The following TMEM132B variants were observed in gnomAD, a reference collection of about 807,000 sequenced individuals.
TMEM132B encodes the protein transmembrane protein 132B.
A neutral mutation model predicts 90.8 loss-of-function variants in TMEM132B; 18 were observed. The ratio of observed to expected loss-of-function variants is 0.20; its 90% CI spans 0.14 to 0.29. The LOEUF is 0.29. TMEM132B is among the 10% of genes least tolerant of loss of function. The probability of loss-of-function intolerance (pLI) is 1.00; values close to 1 mark genes in which losing one functional copy is unlikely to be tolerated. For synonymous variants in TMEM132B, 504 were observed against 523.3 expected, an observed-to-expected ratio of 0.96 and a Z score of 0.50; for missense variants, 1,096 against 1,326.8, an observed-to-expected ratio of 0.83 and a Z score of 2.70.
At chr12:125,636,720 C>T (rs759063439) in intron 5 of TMEM132B, among the ~76,000 whole-genome samples, 2 of 152,136 alleles carry the variant, frequency 1.3e-5, no homozygotes, top group Non-Finnish European at 2.9e-5. Flanking sequence ...ACTTTTGTCC[C>T]ATACGGGAAA....
intron 1 of TMEM132B, among the ~76,000 whole-genome samples, chr12:125,189,372 A>T (rs1957782023): frequency 6.6e-6 from 1 of 152,180 alleles, no homozygotes. Context: ...TCTAGGGTCT[A>T]TGAAATCAGG....
At position 125,277,711 on chromosome 12, in the gene TMEM132B, C is replaced by A. The variant is rs1343489706; in HGVS notation, c.68-71741C>A. 6.6e-6 allele frequency among the ~76,000 whole-genome samples: 1 copy of A among 152,048 alleles called. No individual in the cohort carries two copies. The highest frequency in any genetic ancestry group is 1.5e-5 in the Non-Finnish European group (1 of 68,012). ...CACCTTGGTCTTGGACCTCTGGCCC[C>A]CAGGACTATGAGAGAATAAATTTCT... On this transcript the variant is annotated intron_variant, in intron 1 of 8. Transcript: ENST00000682704. This position sits in a 1 kb window ranked among gnomAD's most constrained non-coding sequence, Gnocchi z 4.3.
intron 1 of TMEM132B, among the ~76,000 whole-genome samples, chr12:125,198,623 C>T (rs1022625265): frequency 6.6e-6 from 1 of 152,158 alleles, no homozygotes. Context: ...TACTTAAGTC[C>T]GAAGCTCATT....
chr12:125,619,963 C>T (rs1886081348), intron 5 of TMEM132B, among the ~76,000 whole-genome samples: 1 of 152,178 alleles, frequency 6.6e-6, no homozygotes, highest in South Asian at 2.1e-4. Context: ...TCAGACTCTT[C>T]AACTGAGTTA....
chr12:125,240,670 A>G (rs913032286), intron 1 of TMEM132B, among the ~76,000 whole-genome samples: 2 of 152,172 alleles, frequency 1.3e-5, no homozygotes, highest in Non-Finnish European at 2.9e-5. Flanking sequence ...AATGCAGAGC[A>G]TGTCAGCTCC....
intron 1 of TMEM132B, among the ~76,000 whole-genome samples, chr12:125,218,769 G>GTTTTTTTT (rs34905706): frequency 2.1e-4 from 23 of 108,844 alleles, no homozygotes; most frequent in African/African-American, 3.1e-4. Flanking sequence ...TGTTGAAGCT[G>GTTTTTTTT]TTTTTTTTTT....
chr12:125,240,202 A>G (rs867742339), intron 1 of TMEM132B, among the ~76,000 whole-genome samples: 2 of 152,160 alleles, frequency 1.3e-5, no homozygotes, highest in Non-Finnish European at 2.9e-5. Context: ...GTTCTCTGCA[A>G]CAAAACCCTG....
At chr12:125,468,116 A>C (rs994049546) in intron 3 of TMEM132B, among the ~76,000 whole-genome samples, 4 of 152,082 alleles carry the variant, frequency 2.6e-5, no homozygotes, top group African/African-American at 9.7e-5. Context: ...GTTCTCTTGC[A>C]TATGTATCTA....
intron 3 of TMEM132B, among the ~76,000 whole-genome samples, chr12:125,467,773 T>C (rs1881607985): frequency 6.6e-6 from 1 of 152,186 alleles, no homozygotes; most frequent in Non-Finnish European, 1.5e-5. Flanking sequence ...TTCTCCTTTC[T>C]CATATTCTCA....
At chr12:125,259,789 G>T (rs1208038881) in intron 1 of TMEM132B, among the ~76,000 whole-genome samples, 1 of 152,290 alleles carries the variant, frequency 6.6e-6, no homozygotes, top group South Asian at 2.1e-4. Flanking sequence ...TTAAGGTTTT[G>T]TTGGATTTAT....
intron 3 of TMEM132B, among the ~76,000 whole-genome samples, chr12:125,425,800 G>A: frequency 6.6e-6 from 1 of 152,162 alleles, no homozygotes; most frequent in East Asian, 1.9e-4. Flanking sequence ...GTCTATCACT[G>A]AATGACATTC....
At chr12:125,552,450 G>A (rs1241075880) in intron 4 of TMEM132B, among the ~76,000 whole-genome samples, 8 of 152,188 alleles carry the variant, frequency 5.3e-5, no homozygotes, top group Admixed American at 1.3e-4. Flanking sequence ...TTGTCTAACC[G>A]TGTAATGGGG....
In TMEM132B at chr12:125,445,950, G is replaced by A. The variant is rs1431929869; in HGVS notation, c.1106+30273G>A. On this transcript the variant is annotated intron_variant, in intron 3 of 8. Coordinates refer to ENST00000682704, the MANE Select transcript of TMEM132B (RefSeq NM_001366854.1). This position sits in a 1 kb window ranked among gnomAD's most constrained non-coding sequence, Gnocchi z 4.3. The stretch of plus-strand genomic sequence containing the variant: ...TTGCCTCGCAGGGAGACAGCTCTGG[G>A]GTGGGCATCCCAGTGGAATTCTCTG... Among the ~76,000 whole-genome samples, 1 of 152,128 alleles carries A rather than the reference G, an allele frequency of 6.6e-6. No individual in the cohort carries two copies. The highest frequency in any genetic ancestry group is 1.5e-5 in the Non-Finnish European group (1 of 68,018).
intron 1 of TMEM132B, among the ~76,000 whole-genome samples, chr12:125,287,052 T>A (rs1425244168): frequency 2.0e-5 from 3 of 150,642 alleles, no homozygotes; most frequent in Non-Finnish European, 4.4e-5. Context: ...CTGCTTGCAT[T>A]CCTTGGCTCA....
chr12:125,493,854 T>C (rs558140204), intron 3 of TMEM132B, among the ~76,000 whole-genome samples: 4 of 146,168 alleles, frequency 2.7e-5, no homozygotes, highest in African/African-American at 1.0e-4. Context: ...CTCCCCGTCC[T>C]CCCTGGAAAT....
At chr12:125,550,684 A>T (rs1385904682) in intron 4 of TMEM132B, among the ~76,000 whole-genome samples, 6 of 152,228 alleles carry the variant, frequency 3.9e-5, no homozygotes, top group African/African-American at 1.2e-4. Flanking sequence ...TGTATCTAAG[A>T]GTAACAGCAC....
intron 4 of TMEM132B, among the ~76,000 whole-genome samples, chr12:125,528,412 C>T (rs772145745): frequency 6.6e-6 from 1 of 152,236 alleles, no homozygotes; most frequent in East Asian, 1.9e-4. Context: ...CACATGGGCT[C>T]AGCACAGGCT....
At position 125,415,680 on chromosome 12, in the gene TMEM132B, A is replaced by T; in HGVS notation, c.1106+3A>T. 1 of 1,613,954 alleles carries T rather than the reference A, an allele frequency of 6.2e-7. No homozygotes were observed. Among genetic ancestry groups the T allele is most frequent in the Non-Finnish European group, 8.5e-7 (1 of 1,179,936 alleles). On this transcript the variant is annotated splice_donor_region_variant and intron_variant, in intron 3 of 8. Transcript: ENST00000682704. This position sits in a 1 kb window ranked among gnomAD's most constrained non-coding sequence, Gnocchi z 5.3. ...CATCGCCCGGACACGCAGAGCAGGT[A>T]AGCATGGAGATCCCCAAGGCACCTC...
intron 3 of TMEM132B, among the ~76,000 whole-genome samples, chr12:125,516,572 A>G (rs1187299699): frequency 1.3e-5 from 2 of 152,206 alleles, no homozygotes. Flanking sequence ...GGGAAATTGG[A>G]GAGGAGCAGG....
Sources: gnomAD v4.1 joint callset for allele counts (sites outside exome capture counted in the v4.1 genomes callset) on GRCh38, gnomAD v4.1.1 for gene constraint, Gnocchi (gnomAD v3.1) non-coding constraint, MANE v1.5 for transcripts, NCBI Gene and HGNC (gene_info 2026-07-23, HGNC 2026-07-21) for gene names.